Variants in ARSG observed in about 807,000 individuals in gnomAD.
ARSG encodes the protein ASG.
A neutral mutation model predicts 50.5 loss-of-function variants in ARSG; 37 were observed. The observed-to-expected ratio is 0.73, with a 90% CI of 0.56 to 0.96. ARSG has a LOEUF of 0.96. Among genes scored for constraint, ARSG ranks in the 50% least tolerant of loss-of-function variants. The pLI, the probability that ARSG is intolerant of heterozygous loss-of-function variation, is 0.00. For missense variants in ARSG, 629 were observed against 675.3 expected (o/e 0.93, Z 0.76); for synonymous variants, 225 against 254.6 (o/e 0.88, Z 1.11).
chr17:68,431,860 T>C, the ARSG span, among the ~76,000 whole-genome samples: 2 of 51,918 alleles, frequency 3.9e-5, no homozygotes, highest in East Asian at 8.8e-4. Flanking sequence ...GAGTGGAAAA[T>C]CAATCTCTGA....
At chr17:68,324,258 G>A (rs1378843579) in intron 2 of ARSG, among the ~76,000 whole-genome samples, 2 of 151,988 alleles carry the variant, frequency 1.3e-5, no homozygotes, top group African/African-American at 4.8e-5. Context: ...TGTTGACCAC[G>A]CTGACATTCT....
Position 68,271,367 on chromosome 17 carries a change from T to G in ARSG, c.-552+11941T>G, listed in dbSNP as rs138318896. On this transcript the variant is annotated intron_variant, in intron 1 of 11. Coordinates refer to the ARSG transcript ENST00000448504. The surrounding 1 kb of genome is among the most constrained non-coding windows in gnomAD (Gnocchi z 5.3). ...CTGGTCTTCACCAGGACCTGCTGCA[T>G]GTCGGCCTTCGGCTCCAGTTCCAGG... The G allele has an allele frequency of 1.6e-4, 263 of 1,613,526 alleles. 2 individuals are homozygous for G. The highest frequency in any genetic ancestry group is 2.4e-4 in the East Asian group (11 of 44,900).
At chr17:68,432,924 GTTCTT>G in the ARSG span, among the ~76,000 whole-genome samples, 1 of 152,112 alleles carries the variant, frequency 6.6e-6, no homozygotes, top group Non-Finnish European at 1.5e-5. Flanking sequence ...CTGCCCTGAA[GTTCTT>G]TTTACTCTTT....
chr17:68,315,634 A>G (rs2077041565), intron 2 of ARSG, among the ~76,000 whole-genome samples: 1 of 151,612 alleles, frequency 6.6e-6, no homozygotes, highest in African/African-American at 2.4e-5. Context: ...ATGGGATTGT[A>G]TTTAGTTATT....
chr17:68,347,023 G>A (rs2078538845), intron 3 of ARSG, 102 bp from the exon 4 acceptor site: 6 of 1,572,984 alleles, frequency 3.8e-6, no homozygotes, highest in South Asian at 3.3e-5. Context: ...TCCACAGTGC[G>A]AGGCGAAGCT....
chr17:68,435,814 A>T, the ARSG span: 1 of 1,058,202 alleles, frequency 9.4e-7, no homozygotes, highest in Non-Finnish European at 1.4e-6. Flanking sequence ...TCCTTTGTCC[A>T]GCTCCCTGTC....
chr17:68,336,996 C>T (rs562228789), intron 2 of ARSG, among the ~76,000 whole-genome samples: 2 of 152,124 alleles, frequency 1.3e-5, no homozygotes, highest in South Asian at 2.1e-4. Flanking sequence ...CTATGGAGGC[C>T]GTGATAGTGG....
At chr17:68,288,380 T>G (rs1555754869), upstream of ARSG, among the ~76,000 whole-genome samples, 1 of 152,178 alleles carries the variant, frequency 6.6e-6, no homozygotes, top group Non-Finnish European at 1.5e-5. Flanking sequence ...AGGCCTGAAT[T>G]TTGAACTCAT....
downstream of ARSG, among the ~76,000 whole-genome samples, chr17:68,425,382 CTTTTT>C (rs112331284): frequency 2.5e-4 from 33 of 132,248 alleles, no homozygotes; most frequent in Non-Finnish European, 3.0e-4. Context: ...TTTTTCTTTT[CTTTTT>C]TTTTTTTTTT....
rs1300137689 is a variant in ARSG at position 68,378,399 on chromosome 17, C to A, written c.983-6665C>A. Among the ~76,000 whole-genome samples the A allele has an allele frequency of 6.6e-6, 1 of 152,216 alleles. No homozygotes were observed. The highest frequency in any genetic ancestry group is 1.5e-5 in the Non-Finnish European group (1 of 68,036). Reference sequence around the variant, plus strand: ...GCTTGTCTTCCCTTTCCTTTCCTGGCCGAGCCGCCCAGCTCAGCTGATGGG... The same window carrying A: ...GCTTGTCTTCCCTTTCCTTTCCTGGACGAGCCGCCCAGCTCAGCTGATGGG... On this transcript the variant is annotated intron_variant, in intron 8 of 11. Coordinates refer to ENST00000621439, the MANE Select transcript of ARSG (RefSeq NM_001267727.2). The surrounding 1 kb of genome is among the most constrained non-coding windows in gnomAD (Gnocchi z 4.4).
At chr17:68,337,381 G>C (rs549459493) in intron 2 of ARSG, among the ~76,000 whole-genome samples, 3 of 152,244 alleles carry the variant, frequency 2.0e-5, no homozygotes, top group South Asian at 2.1e-4. Flanking sequence ...GAAGTAAAAA[G>C]AGGGCTGGGG....
At chr17:68,417,191 C>G (rs1045116905) in intron 11 of ARSG, among the ~76,000 whole-genome samples, 2 of 152,166 alleles carry the variant, frequency 1.3e-5, no homozygotes, top group African/African-American at 4.8e-5. Flanking sequence ...CCTTCCCTCC[C>G]CTTAGGTGGA....
At chr17:68,419,688 A>G (rs536384778) in intron 11 of ARSG, among the ~76,000 whole-genome samples, 1 of 152,014 alleles carries the variant, frequency 6.6e-6, no homozygotes, top group South Asian at 2.1e-4. Flanking sequence ...GTGTGGCTGC[A>G]GTGGTTCCTG....
intron 10 of ARSG, among the ~76,000 whole-genome samples, chr17:68,397,879 G>C (rs2081311913): frequency 6.6e-6 from 1 of 152,136 alleles, no homozygotes; most frequent in African/African-American, 2.4e-5. Context: ...CGATTCTCCT[G>C]CCTCAGCCTC....
the ARSG span, chr17:68,444,357 A>G: frequency 1.3e-6 from 1 of 750,074 alleles, no homozygotes; most frequent in Non-Finnish European, 2.2e-6. Flanking sequence ...ATTAAGACAA[A>G]GCTTCGAGAT....
chr17:68,324,279 C>T (rs2077414143), intron 2 of ARSG, among the ~76,000 whole-genome samples: 1 of 152,062 alleles, frequency 6.6e-6, no homozygotes, highest in Non-Finnish European at 1.5e-5. Context: ...GGTTCCTGTA[C>T]CCATCCTTGG....
intron 6 of ARSG, among the ~76,000 whole-genome samples, chr17:68,366,677 A>ATGTATG (rs2079562640): frequency 1.3e-5 from 2 of 148,258 alleles, no homozygotes; most frequent in Admixed American, 1.3e-4. Flanking sequence ...GAATTTATGT[A>ATGTATG]TGTGTGTGTG....
intron 8 of ARSG, among the ~76,000 whole-genome samples, chr17:68,377,010 C>T (rs2080184086): frequency 6.6e-6 from 1 of 152,124 alleles, no homozygotes; most frequent in Admixed American, 6.6e-5. Context: ...CAGACGTGCA[C>T]CACCACACCC....
chr17:68,323,973 T>C (rs1555771521), intron 2 of ARSG, among the ~76,000 whole-genome samples: 1 of 148,762 alleles, frequency 6.7e-6, no homozygotes, highest in Non-Finnish European at 1.5e-5. Context: ...TTTGGGAGGC[T>C]GAGGCAGGAG....
Sources: gnomAD v4.1 joint callset for allele counts (sites outside exome capture counted in the v4.1 genomes callset) on GRCh38, gnomAD v4.1.1 for gene constraint, Gnocchi (gnomAD v3.1) non-coding constraint, MANE v1.5 for transcripts, NCBI Gene and HGNC (gene_info 2026-07-23, HGNC 2026-07-21) for gene names.